Variants in NIPAL3 observed in about 807,000 individuals in gnomAD.
The protein encoded by NIPAL3 is NIPA like domain containing 3.
A neutral mutation model predicts 47.2 loss-of-function variants in NIPAL3; 41 were observed. That is an observed-to-expected ratio of 0.87 (90% confidence interval 0.68 to 1.13). NIPAL3 has a LOEUF of 1.13. Among genes scored for constraint, NIPAL3 ranks in the 50% most tolerant of loss-of-function variants. NIPAL3 has a pLI of 0.00. For missense variants in NIPAL3, 449 were observed against 530.1 expected, an observed-to-expected ratio of 0.85 and a Z score of 1.50; for synonymous variants, 194 against 209.6, an observed-to-expected ratio of 0.93 and a Z score of 0.64.
chr1:24,468,953 G>A (rs779646583), intron 11 of NIPAL3, 33 bp from the exon 12 acceptor site: 20 of 1,608,234 alleles, frequency 1.2e-5, no homozygotes, highest in East Asian at 6.7e-5. Flanking sequence ...CCCTTACCGC[G>A]TAATGATTTG....
chr1:24,458,929 T>C lies in NIPAL3; in HGVS notation c.815T>C (p.Ile272Thr), dbSNP rs1224172798. ...QASQMYDSSLIASVGYILSTT... is the reference protein window; with the variant it reads ...QASQMYDSSLTASVGYILSTT... Reference sequence around the variant, plus strand: ...TCACAGATGTACGACTCCTCTTTGATTGCCAGTGTGGGCTACATTCTGTCC... The same window carrying C: ...TCACAGATGTACGACTCCTCTTTGACTGCCAGTGTGGGCTACATTCTGTCC... Residue 272 changes from isoleucine to threonine, a missense_variant, in exon 9 of 12, where the codon ATT (isoleucine) becomes ACT (threonine). Ile to Thr is a moderately conservative substitution (Grantham distance 89). Transcript: ENST00000374399. 2 of 1,614,006 alleles carry C rather than the reference T, an allele frequency of 1.2e-6. No individual in the cohort carries two copies. Among genetic ancestry groups the C allele is most frequent in the Admixed American group, 1.7e-5 (1 of 59,996 alleles).
At chr1:24,431,823 G>T (rs1284560466) in intron 2 of NIPAL3, among the ~76,000 whole-genome samples, 1 of 151,540 alleles carries the variant, frequency 6.6e-6, no homozygotes, top group African/African-American at 2.4e-5. Flanking sequence ...CTTCCTATGC[G>T]TTGTGGAACA....
At chr1:24,468,909 T>C in intron 11 of NIPAL3, 77 bp from the exon 12 acceptor site, 1 of 1,315,736 alleles carries the variant, frequency 7.6e-7, no homozygotes, top group South Asian at 1.3e-5. Context: ...AATTAGTCTG[T>C]GGCGGGATAG....
chr1:24,442,724 G>A (rs1390166606), intron 4 of NIPAL3, among the ~76,000 whole-genome samples: 1 of 152,200 alleles, frequency 6.6e-6, no homozygotes, highest in Non-Finnish European at 1.5e-5. Flanking sequence ...GCTGAAGTGG[G>A]AGGATCGCTT....
In NIPAL3 at chr1:24,452,453, C is replaced by T. The variant is rs532482056; in HGVS notation, c.541-955C>T. On this transcript the variant is annotated intron_variant, in intron 6 of 11. Coordinates refer to ENST00000374399, the MANE Select transcript of NIPAL3 (RefSeq NM_020448.5). ...CGTAGATAAAATGCTTAGAACACTG[C>T]CTGGCGTACAAGGAGACGTCATTTA... 2.6e-5 allele frequency among the ~76,000 whole-genome samples: 4 copies of T among 152,254 alleles called. No homozygotes were observed. In the East Asian group the frequency reaches 7.7e-4, roughly 29 times the overall value.
In NIPAL3 at chr1:24,470,452, G is replaced by C. The variant is rs1206769934; in HGVS notation, c.*1267G>C. The C allele has an allele frequency of 6.6e-6, 1 of 152,194 alleles. No individual in the cohort carries two copies. The highest frequency in any genetic ancestry group is 6.5e-5 in the Admixed American group (1 of 15,284). 9.4% of individuals were successfully genotyped at this position (152,194 alleles called of 1,614,324 possible). A position where few individuals can be genotyped will look rare whatever the true frequency, so the allele number is the denominator to read the frequency against. ...CTTAACTGGTACCACCAGTGATTCT[G>C]ATGCGATGCTTCAATCCCGAGATTT... On this transcript the variant is annotated 3_prime_UTR_variant, in exon 12 of 12. Coordinates refer to ENST00000374399, the MANE Select transcript of NIPAL3 (RefSeq NM_020448.5).
At position 24,425,211 on chromosome 1, in the gene NIPAL3, G is replaced by A. The variant is rs530803570; in HGVS notation, c.93+5571G>A. Reference sequence around the variant, plus strand: ...CTCTCCAGCTTGTGCTGGGTGGGGCGGGAGCTATATAGATCAAGCTTGTCC... The same window carrying A: ...CTCTCCAGCTTGTGCTGGGTGGGGCAGGAGCTATATAGATCAAGCTTGTCC... On this transcript the variant is annotated intron_variant, in intron 2 of 11. Coordinates refer to ENST00000374399, the MANE Select transcript of NIPAL3 (RefSeq NM_020448.5). 2.4e-4 allele frequency among the ~76,000 whole-genome samples: 37 copies of A among 152,294 alleles called. No individual in the cohort carries two copies. The South Asian group carries it at 5.2e-3, about 21-fold the overall frequency.
Position 24,419,286 on chromosome 1 carries a change from C to T in NIPAL3, c.-257-5C>T, listed in dbSNP as rs1471432907. 2.5e-6 allele frequency: 3 copies of T among 1,183,232 alleles called. No homozygotes were observed. The highest frequency in any genetic ancestry group is 6.2e-5 in the South Asian group (2 of 32,498). The allele number at this position is 1,183,232 out of a possible 1,614,324, so 73.3% of individuals were successfully genotyped here. On this transcript the variant is annotated splice_region_variant and splice_polypyrimidine_tract_variant and intron_variant, in intron 1 of 11. Coordinates refer to ENST00000374399, the MANE Select transcript of NIPAL3 (RefSeq NM_020448.5). ...CATTTTTAATGTTCCTCTCCACCAC[C>T]CTAGAGCACCGCAAGAACTGGAAAA...
At chr1:24,453,267 G>A in intron 6 of NIPAL3, 141 bp from the exon 7 acceptor site, 1 of 633,362 alleles carries the variant, frequency 1.6e-6, no homozygotes, top group South Asian at 1.8e-5. Context: ...ACGTCTAACA[G>A]TAGTTTGGGA....
Position 24,449,902 on chromosome 1 carries a change from T to C in NIPAL3, c.540+276T>C, listed in dbSNP as rs1047405829. Among the ~76,000 whole-genome samples the C allele has an allele frequency of 2.6e-5, 4 of 152,342 alleles. No individual in the cohort carries two copies. Among genetic ancestry groups the C allele is most frequent in the African/African-American group, 9.6e-5 (4 of 41,586 alleles). On this transcript the variant is annotated intron_variant, in intron 6 of 11. Coordinates refer to ENST00000374399, the MANE Select transcript of NIPAL3 (RefSeq NM_020448.5). The surrounding 1 kb of genome is among the most constrained non-coding windows in gnomAD (Gnocchi z 4.5). ...CCAAATTGAATATCCACATATCCTA[T>C]GGAGGAATTCCACCCCTCATTTTAT...
chr1:24,421,536 G>C (rs1008642300), intron 2 of NIPAL3, among the ~76,000 whole-genome samples: 1 of 152,168 alleles, frequency 6.6e-6, no homozygotes, highest in Admixed American at 6.5e-5. Flanking sequence ...GTTAATTTTA[G>C]ATAATAATGA....
At chr1:24,462,580 A>G (rs759354410) in intron 10 of NIPAL3, among the ~76,000 whole-genome samples, 4 of 151,544 alleles carry the variant, frequency 2.6e-5, no homozygotes, top group South Asian at 4.2e-4. Flanking sequence ...CAGCCTGACC[A>G]CAGTGGCAAA....
chr1:24,432,818 T>C (rs1347084592), intron 2 of NIPAL3, among the ~76,000 whole-genome samples: 2 of 152,266 alleles, frequency 1.3e-5, no homozygotes, highest in Non-Finnish European at 2.9e-5. Flanking sequence ...TGATTATCAT[T>C]GTCGTCATCA....
At chr1:24,456,368 C>T (rs1284238225) in intron 8 of NIPAL3, 95 bp downstream of exon 8, 12 of 1,529,452 alleles carry the variant, frequency 7.8e-6, no homozygotes, top group South Asian at 1.2e-5. Context: ...ACAAGGAGGC[C>T]AGAACATGCC....
chr1:24,469,331 A>G lies in NIPAL3; in HGVS notation c.*146A>G. ...CTCAAAAAGCCTTTGTCTCTGGGAA[A>G]GGATGCGTTATCTTGGTCTTGGAAA... is the stretch of plus-strand genomic sequence containing the variant. On this transcript the variant is annotated 3_prime_UTR_variant, in exon 12 of 12. Coordinates refer to ENST00000374399, the MANE Select transcript of NIPAL3 (RefSeq NM_020448.5). 1 of 657,782 alleles carries G rather than the reference A, an allele frequency of 1.5e-6. No homozygotes were observed. The allele number at this position is 657,782 out of a possible 1,614,324, so 40.7% of individuals were successfully genotyped here. A position where few individuals can be genotyped will look rare whatever the true frequency, so the allele number is the denominator to read the frequency against.
intron 2 of NIPAL3, among the ~76,000 whole-genome samples, chr1:24,432,499 C>T (rs1316305757): frequency 6.6e-6 from 1 of 152,204 alleles, no homozygotes. Flanking sequence ...AATTCCCCAA[C>T]TCCTAATAAT....
At chr1:24,464,963 G>A (rs1489534326) in intron 11 of NIPAL3, 2 of 152,202 alleles carry the variant, frequency 1.3e-5, no homozygotes, top group Non-Finnish European at 2.9e-5. Flanking sequence ...TGTTCTCAGG[G>A]TTGACTGGTG....
Position 24,466,629 on chromosome 1 carries a change from C to A in NIPAL3, c.1022-2357C>A, listed in dbSNP as rs76074440. Among the ~76,000 whole-genome samples the A allele has an allele frequency of 9.1e-3, 1,380 of 152,330 alleles. 24 individuals carry two copies. The highest frequency in any genetic ancestry group is 0.032 in the African/African-American group (1,345 of 41,576). On this transcript the variant is annotated intron_variant, in intron 11 of 11. Coordinates refer to ENST00000374399, the MANE Select transcript of NIPAL3 (RefSeq NM_020448.5). ...ACCCCACAATAACTCCTTTCTAACC[C>A]CCTCTTACATGGTTCGTGGTTCCCC...
intron 8 of NIPAL3, chr1:24,457,954 G>C (rs1275587636): frequency 7.2e-6 from 3 of 419,576 alleles, no homozygotes; most frequent in Non-Finnish European, 1.5e-5. Flanking sequence ...AAGGCCCTGT[G>C]CTGAGCACTC....
Sources: gnomAD v4.1 joint callset for allele counts (sites outside exome capture counted in the v4.1 genomes callset) on GRCh38, gnomAD v4.1.1 for gene constraint, Gnocchi (gnomAD v3.1) non-coding constraint, MANE v1.5 for transcripts, NCBI Gene and HGNC (gene_info 2026-07-23, HGNC 2026-07-21) for gene names.